CDH20: variants seen among roughly 807,000 people sequenced by gnomAD.
The protein encoded by CDH20 is cadherin 20.
Under a neutral mutation model 74.2 loss-of-function variants are expected in CDH20, and 29 were observed. The ratio of observed to expected loss-of-function variants is 0.39; its 90% CI spans 0.29 to 0.53. CDH20 has a LOEUF of 0.53. Ranked by LOEUF, CDH20 falls within the 20% of genes least tolerant of loss-of-function variation. The pLI is 0.69. For missense variants in CDH20, 988 were observed against 1,048.3 expected (o/e 0.94, Z 0.79); for synonymous variants, 469 against 405.4 (o/e 1.16, Z -1.88).
At chr18:61,416,727 G>A (rs999280930) in intron 1 of CDH20, among the ~76,000 whole-genome samples, 4 of 152,196 alleles carry the variant, frequency 2.6e-5, no homozygotes, top group Non-Finnish European at 5.9e-5. Context: ...CCACACCTAG[G>A]TGCAAGGAAG....
rs189758897 is a variant in CDH20 at position 61,475,781 on chromosome 18, A to G, written c.-152-14621A>G. On this transcript the variant is annotated intron_variant, in intron 1 of 11. Transcript: ENST00000262717. ...ATGTTTTCTCTTTTGTTATGCCTGAACAGACATAATCCGAAGTTTTGTACA... is the reference window on the plus strand; with the variant it reads ...ATGTTTTCTCTTTTGTTATGCCTGAGCAGACATAATCCGAAGTTTTGTACA... Among the ~76,000 whole-genome samples, 121 of 152,350 alleles carry G rather than the reference A, an allele frequency of 7.9e-4. 2 individuals are homozygous for G. The East Asian group carries it at 0.021, about 27-fold the overall frequency.
intron 5 of CDH20, among the ~76,000 whole-genome samples, chr18:61,505,611 C>T (rs1911535885): frequency 6.6e-6 from 1 of 152,170 alleles, no homozygotes. Flanking sequence ...GCTGATATTA[C>T]AGGCATGAGC....
intron 6 of CDH20, among the ~76,000 whole-genome samples, chr18:61,509,300 G>A (rs1911695632): frequency 1.3e-5 from 2 of 152,216 alleles, no homozygotes; most frequent in African/African-American, 4.8e-5. Flanking sequence ...AAGACTTACA[G>A]TGAGCAGACT....
chr18:61,364,841 C>T (rs1852168346), intron 1 of CDH20, among the ~76,000 whole-genome samples: 1 of 152,160 alleles, frequency 6.6e-6, no homozygotes, highest in South Asian at 2.1e-4. Flanking sequence ...TCAGGTGTTC[C>T]CTCAGAGCAA....
Position 61,539,132 on chromosome 18 carries a change from C to G in CDH20, c.1517C>G (p.Ala506Gly). The G allele has an allele frequency of 6.2e-7, 1 of 1,614,096 alleles. No individual in the cohort carries two copies. Among genetic ancestry groups the G allele is most frequent in the Non-Finnish European group, 8.5e-7 (1 of 1,180,014 alleles). The part of the protein sequence containing the change: ...RFYEAFVCEN[A>G]KAGQLIQTVS... Reference sequence around the variant, plus strand: ...TATGAAGCTTTTGTCTGTGAGAACGCCAAGGCAGGACAGGTAAGGTGGCCT... The same window carrying G: ...TATGAAGCTTTTGTCTGTGAGAACGGCAAGGCAGGACAGGTAAGGTGGCCT... Residue 506 changes from alanine (A) to glycine (G), a missense_variant, in exon 9 of 12, where the codon GCC (alanine) becomes GGC (glycine). Physicochemically the swap from Ala to Gly is moderately conservative, Grantham distance 60. Coordinates refer to ENST00000262717, the MANE Select transcript of CDH20 (RefSeq NM_031891.4).
At chr18:61,514,759 G>C (rs571109151) in intron 6 of CDH20, among the ~76,000 whole-genome samples, 1 of 151,520 alleles carries the variant, frequency 6.6e-6, no homozygotes. Context: ...ATACCCTGCC[G>C]TGTGAGGTGT....
chr18:61,507,301 G>C, intron 5 of CDH20, 72 bp from the exon 6 acceptor site: 1 of 1,397,550 alleles, frequency 7.2e-7, no homozygotes, highest in Non-Finnish European at 1.0e-6. Context: ...CAGCACTCCT[G>C]ATATGATAAT....
intron 1 of CDH20, among the ~76,000 whole-genome samples, chr18:61,364,110 A>C (rs1459403547): frequency 6.6e-6 from 1 of 152,114 alleles, no homozygotes; most frequent in East Asian, 1.9e-4. Flanking sequence ...TATATGTGTA[A>C]AAAGTCAACT....
chr18:61,460,416 G>T (rs546425610), intron 1 of CDH20, among the ~76,000 whole-genome samples: 1 of 152,258 alleles, frequency 6.6e-6, no homozygotes, highest in African/African-American at 2.4e-5. Context: ...TGACAAAAAA[G>T]TAAGAAGCTG....
intron 2 of CDH20, among the ~76,000 whole-genome samples, chr18:61,493,975 C>T (rs952250180): frequency 3.9e-5 from 6 of 152,210 alleles, no homozygotes; most frequent in Admixed American, 3.9e-4. Flanking sequence ...ACAAAGAGTG[C>T]AGAAGGGTAG....
intron 1 of CDH20, among the ~76,000 whole-genome samples, chr18:61,391,048 T>G (rs548881730): frequency 2.8e-4 from 42 of 152,120 alleles, no homozygotes; most frequent in African/African-American, 9.9e-4. Flanking sequence ...TCAACAAGAT[T>G]AAAAGGCGAA....
chr18:61,473,630 G>A (rs1222700256), intron 1 of CDH20, among the ~76,000 whole-genome samples: 1 of 152,178 alleles, frequency 6.6e-6, no homozygotes, highest in Admixed American at 6.5e-5. Context: ...AACTGGTAAT[G>A]CAGTTTCCAC....
At chr18:61,414,295 A>G (rs956377765) in intron 1 of CDH20, among the ~76,000 whole-genome samples, 1 of 152,116 alleles carries the variant, frequency 6.6e-6, no homozygotes, top group African/African-American at 2.4e-5. Context: ...GTCTTGTTAC[A>G]TGCAGCTTGA....
At chr18:61,380,647 T>C (rs1911404311) in intron 1 of CDH20, among the ~76,000 whole-genome samples, 1 of 152,120 alleles carries the variant, frequency 6.6e-6, no homozygotes, top group Non-Finnish European at 1.5e-5. Flanking sequence ...CCGTCTCTAC[T>C]AAAACTACAA....
At chr18:61,354,110 C>T (rs1403043359) in intron 1 of CDH20, among the ~76,000 whole-genome samples, 1 of 151,976 alleles carries the variant, frequency 6.6e-6, no homozygotes, top group Non-Finnish European at 1.5e-5. Context: ...TCATGAGCCA[C>T]ATTTCCAGGG....
Position 61,525,964 on chromosome 18 carries a change from ATT to A in CDH20, c.1018-1979_1018-1978del, listed in dbSNP as rs1006282537. ...AGGCACATGCCACCACACCCAGCTA[ATT>A]TTTTTTTTTTTTTTTTTTTTTTTGG... On this transcript the variant is annotated intron_variant, in intron 6 of 11. Transcript: ENST00000262717. Among the ~76,000 whole-genome samples the A allele has an allele frequency of 5.1e-4, 43 of 84,380 alleles. 1 individual carries two copies. Among genetic ancestry groups the A allele is most frequent in the African/African-American group, 1.9e-3 (34 of 18,006 alleles). 55.4% of individuals were successfully genotyped at this position (84,380 alleles called of 152,430 possible). A position where few individuals can be genotyped will look rare whatever the true frequency, so the allele number is the denominator to read the frequency against.
At chr18:61,373,511 C>G (rs957184767) in intron 1 of CDH20, among the ~76,000 whole-genome samples, 5 of 152,122 alleles carry the variant, frequency 3.3e-5, no homozygotes, top group African/African-American at 1.2e-4. Context: ...CCCCAACACC[C>G]ACTCTGATTT....
chr18:61,535,503 CGAGATAACACAGGT>C (rs573258288), intron 7 of CDH20, among the ~76,000 whole-genome samples: 54 of 152,080 alleles, frequency 3.6e-4, no homozygotes, highest in African/African-American at 1.2e-3. Flanking sequence ...GGGGACCAGA[CGAGATAACACAGGT>C]GAGATAACAC....
At chr18:61,493,835 A>T (rs1247379952) in intron 2 of CDH20, among the ~76,000 whole-genome samples, 1 of 152,224 alleles carries the variant, frequency 6.6e-6, no homozygotes, top group Non-Finnish European at 1.5e-5. Flanking sequence ...AGCAATTTTC[A>T]GTAATTACTT....
Sources: gnomAD v4.1 joint callset for allele counts (sites outside exome capture counted in the v4.1 genomes callset) on GRCh38, gnomAD v4.1.1 for gene constraint, MANE v1.5 for transcripts, NCBI Gene and HGNC (gene_info 2026-07-23, HGNC 2026-07-21) for gene names.